Variants in AGBL4 observed in about 807,000 individuals in gnomAD.
The protein encoded by AGBL4 is cytosolic carboxypeptidase 6.
In AGBL4, 58 loss-of-function variants were observed where a neutral mutation model predicts 66.4. The observed-to-expected ratio is 0.87, with a 90% CI of 0.71 to 1.09. AGBL4 has a LOEUF of 1.09. AGBL4 is among the 50% of genes least tolerant of loss of function. The probability of loss-of-function intolerance (pLI) is 0.00; values close to 1 mark genes in which losing one functional copy is unlikely to be tolerated. For missense variants in AGBL4, 579 were observed against 631.0 expected (o/e 0.92, Z 0.88); for synonymous variants, 234 against 222.9 (o/e 1.05, Z -0.44).
chr1:49,445,554 C>G (rs1194040323), intron 3 of AGBL4, among the ~76,000 whole-genome samples: 6 of 151,784 alleles, frequency 4.0e-5, no homozygotes, highest in Admixed American at 3.3e-4. Flanking sequence ...TCTTTTCTTT[C>G]TTTTTTCTTT....
chr1:48,548,547 C>T (rs34279322), intron 11 of AGBL4, among the ~76,000 whole-genome samples: 7 of 152,198 alleles, frequency 4.6e-5, no homozygotes, highest in South Asian at 2.1e-4. Context: ...AGAGCAGCTT[C>T]GGCAGAGACA....
chr1:49,866,153 AG>A (rs1646695688), intron 1 of AGBL4, among the ~76,000 whole-genome samples: 1 of 152,200 alleles, frequency 6.6e-6, no homozygotes, highest in Non-Finnish European at 1.5e-5. Context: ...TGAAAGAGAC[AG>A]GGAGAGTGGA....
At position 50,012,083 on chromosome 1, in the gene AGBL4, T is replaced by C. The variant is rs371029326; in HGVS notation, c.34+11680A>G. Among the ~76,000 whole-genome samples the C allele has an allele frequency of 3.8e-4, 54 of 143,746 alleles. 1 individual carries two copies. In the South Asian group the frequency reaches 9.9e-3, roughly 26 times the overall value. 94.3% of individuals were successfully genotyped at this position (143,746 alleles called of 152,430 possible). On this transcript the variant is annotated intron_variant, in intron 1 of 13. Coordinates refer to ENST00000371839, the MANE Select transcript of AGBL4 (RefSeq NM_032785.4). ...CTGAGGCAGGAGAATGGCGTGAACC[T>C]GGGAAGCGGAGCTTGCAGTGAGCGG...
intron 4 of AGBL4, among the ~76,000 whole-genome samples, chr1:49,075,500 T>C (rs1644692497): frequency 6.6e-6 from 1 of 152,194 alleles, no homozygotes; most frequent in Non-Finnish European, 1.5e-5. Context: ...TTTTGTATGC[T>C]TTCATAAATG....
At chr1:49,094,955 C>G (rs1645068102) in intron 4 of AGBL4, among the ~76,000 whole-genome samples, 1 of 152,178 alleles carries the variant, frequency 6.6e-6, no homozygotes, top group South Asian at 2.1e-4. Context: ...AGCCCAAAAT[C>G]TCCTTAAGCT....
chr1:49,026,976 T>A (rs537803641), intron 5 of AGBL4, among the ~76,000 whole-genome samples: 5 of 152,246 alleles, frequency 3.3e-5, no homozygotes, highest in African/African-American at 1.2e-4. Flanking sequence ...AATTATTTAA[T>A]TCCAATAAAA....
At chr1:49,812,071 TGC>T in intron 2 of AGBL4, among the ~76,000 whole-genome samples, 1 of 152,288 alleles carries the variant, frequency 6.6e-6, no homozygotes, top group Non-Finnish European at 1.5e-5. Flanking sequence ...AAGCAATCAT[TGC>T]ACATAATGAA....
At chr1:49,751,653 T>A (rs537787677) in intron 2 of AGBL4, among the ~76,000 whole-genome samples, 1 of 152,310 alleles carries the variant, frequency 6.6e-6, no homozygotes, top group East Asian at 1.9e-4. Context: ...TTAGAAGGAA[T>A]GGCACCCGCT....
chr1:48,902,353 G>A (rs958835987), intron 5 of AGBL4, among the ~76,000 whole-genome samples: 2 of 152,192 alleles, frequency 1.3e-5, no homozygotes, highest in African/African-American at 4.8e-5. Flanking sequence ...GGTAGTGGGA[G>A]GGAAGGCACA....
intron 2 of AGBL4, among the ~76,000 whole-genome samples, chr1:49,810,336 G>C (rs1270790580): frequency 6.6e-6 from 1 of 151,892 alleles, no homozygotes; most frequent in African/African-American, 2.4e-5. Context: ...GTCATTAAAG[G>C]GCCTATTACA....
intron 6 of AGBL4, among the ~76,000 whole-genome samples, chr1:48,676,373 A>G (rs1183660854): frequency 6.6e-6 from 1 of 152,258 alleles, no homozygotes; most frequent in Non-Finnish European, 1.5e-5. Context: ...ACAGGGACTC[A>G]GGCACAAGCG....
chr1:49,057,280 C>T (rs11590893), intron 4 of AGBL4, among the ~76,000 whole-genome samples: 4,399 of 152,098 alleles, frequency 0.029, 172 homozygotes, highest in East Asian at 0.22. Flanking sequence ...TAGCCAGGTG[C>T]GGTGGCACGA....
intron 6 of AGBL4, among the ~76,000 whole-genome samples, chr1:48,846,371 AAGAAAG>A (rs1227250812): frequency 8.8e-6 from 1 of 113,278 alleles, no homozygotes; most frequent in Non-Finnish European, 1.7e-5. Flanking sequence ...AGAAGAAAGA[AAGAAAG>A]AAAGAAAGAA....
At chr1:48,749,847 A>G (rs1435388777) in intron 6 of AGBL4, among the ~76,000 whole-genome samples, 2 of 152,210 alleles carry the variant, frequency 1.3e-5, no homozygotes, top group Non-Finnish European at 2.9e-5. Flanking sequence ...ACGCCCTGTC[A>G]AGGAAGCATT....
chr1:49,420,953 C>A (rs1557924749), intron 3 of AGBL4, among the ~76,000 whole-genome samples: 1 of 152,074 alleles, frequency 6.6e-6, no homozygotes, highest in Non-Finnish European at 1.5e-5. Flanking sequence ...ATTATTAATG[C>A]CCTAAAAGAG....
chr1:49,505,723 G>A (rs1294041137), intron 3 of AGBL4, among the ~76,000 whole-genome samples: 1 of 151,872 alleles, frequency 6.6e-6, no homozygotes, highest in East Asian at 1.9e-4. Context: ...TGTTTGGATT[G>A]AGTCTGCTTG....
chr1:49,744,509 T>C (rs1257834994), intron 2 of AGBL4, among the ~76,000 whole-genome samples: 2 of 151,882 alleles, frequency 1.3e-5, no homozygotes, highest in African/African-American at 4.8e-5. Context: ...AATAGACCAA[T>C]ACACTAGCAA....
chr1:48,968,524 G>A (rs1199412972), intron 5 of AGBL4, among the ~76,000 whole-genome samples: 2 of 152,064 alleles, frequency 1.3e-5, no homozygotes, highest in Non-Finnish European at 2.9e-5. Flanking sequence ...TGATGGAGGA[G>A]ATGAGAAGTG....
chr1:49,206,819 G>C (rs1044886523), intron 4 of AGBL4, among the ~76,000 whole-genome samples: 2 of 138,230 alleles, frequency 1.4e-5, no homozygotes, highest in Admixed American at 8.5e-5. Context: ...ACCAATGGGT[G>C]AAAACTTTAT....
Sources: gnomAD v4.1 joint callset for allele counts (sites outside exome capture counted in the v4.1 genomes callset) on GRCh38, gnomAD v4.1.1 for gene constraint, MANE v1.5 for transcripts, NCBI Gene and HGNC (gene_info 2026-07-23, HGNC 2026-07-21) for gene names.